Variants in CLOCK observed in about 807,000 individuals in gnomAD.
CLOCK encodes clock circadian regulator.
In CLOCK, 43 loss-of-function variants were observed where a neutral mutation model predicts 118.4. The observed-to-expected ratio is 0.36, with a 90% CI of 0.28 to 0.47. CLOCK has a LOEUF of 0.47. CLOCK is among the 20% of genes least tolerant of loss of function. CLOCK has a pLI of 1.00. For missense variants in CLOCK, 846 were observed against 999.9 expected, an observed-to-expected ratio of 0.85 and a Z score of 2.08; for synonymous variants, 326 against 339.2, an observed-to-expected ratio of 0.96 and a Z score of 0.43.
chr4:55,526,209 T>C (rs1179739748), intron 1 of CLOCK, among the ~76,000 whole-genome samples: 1 of 152,216 alleles, frequency 6.6e-6, no homozygotes, highest in African/African-American at 2.4e-5. Flanking sequence ...TCAAACTGTA[T>C]TTCAAGGTAG....
chr4:55,540,157 G>A (rs1209017322), intron 1 of CLOCK, among the ~76,000 whole-genome samples: 2 of 151,654 alleles, frequency 1.3e-5, no homozygotes, highest in Admixed American at 6.6e-5. Context: ...ACAGGCACCC[G>A]CCACCATGCC....
At chr4:55,441,785 G>A (rs1022590332) in intron 21 of CLOCK, among the ~76,000 whole-genome samples, 1 of 152,138 alleles carries the variant, frequency 6.6e-6, no homozygotes, top group African/African-American at 2.4e-5. Flanking sequence ...CTACTCAGGT[G>A]ATCAGTGCAC....
chr4:55,443,739 C>A lies in CLOCK; in HGVS notation c.1850G>T (p.Gly617Val). ...TTGTTGTATCATGTGCTGAGTTGTGCCAATGTGTCCAGTATTCATTCCACT... is the reference window on the plus strand; with the variant it reads ...TTGTTGTATCATGTGCTGAGTTGTGACAATGTGTCCAGTATTCATTCCACT... ...IQSGMNTGHI[G>V]TTQHMIQQQT... Residue 617 changes from glycine to valine, a missense_variant, in exon 20 of 23, where the codon GGC (glycine) becomes GTC (valine). Coordinates refer to ENST00000513440, the MANE Select transcript of CLOCK (RefSeq NM_004898.4). The A allele has an allele frequency of 6.2e-7, 1 of 1,614,062 alleles. No individual in the cohort carries two copies. Among genetic ancestry groups the A allele is most frequent in the South Asian group, 1.1e-5 (1 of 91,082 alleles).
chr4:55,447,376 A>ATT, intron 18 of CLOCK, among the ~76,000 whole-genome samples: 1 of 151,080 alleles, frequency 6.6e-6, no homozygotes, highest in African/African-American at 2.4e-5. Context: ...AAAAAAATTA[A>ATT]AAAGTTACAT....
intron 1 of CLOCK, among the ~76,000 whole-genome samples, chr4:55,538,702 AC>A (rs1221650520): frequency 3.9e-5 from 6 of 152,240 alleles, no homozygotes; most frequent in Admixed American, 2.6e-4. Context: ...ACATAAAGCA[AC>A]AAAGAAAACC....
chr4:55,440,973 A>C (rs1172533484), intron 21 of CLOCK, among the ~76,000 whole-genome samples: 1 of 151,408 alleles, frequency 6.6e-6, no homozygotes, highest in East Asian at 1.9e-4. Flanking sequence ...TACAAAAACA[A>C]AACAAAACAA....
chr4:55,501,397 A>C (rs946912052), intron 2 of CLOCK, among the ~76,000 whole-genome samples: 3 of 152,120 alleles, frequency 2.0e-5, no homozygotes, highest in African/African-American at 7.2e-5. Context: ...TACACTTTTT[A>C]GTATTTATTT....
At chr4:55,442,791 C>T (rs767771111) in intron 20 of CLOCK, among the ~76,000 whole-genome samples, 157 bp from the exon 21 acceptor site, 1 of 151,932 alleles carries the variant, frequency 6.6e-6, no homozygotes, top group Non-Finnish European at 1.5e-5. Context: ...AGGAATGACT[C>T]GTGGTAACTG....
rs192832624 is a variant in CLOCK at position 55,458,938 on chromosome 4, A to G, written c.746T>C (p.Val249Ala). The G allele has an allele frequency of 1.4e-5, 23 of 1,613,858 alleles. No individual in the cohort carries two copies. The Admixed American group carries it at 2.2e-4, about 15-fold the overall frequency. The change falls in exon 11 of 23, where the codon GTT becomes GCT. Residue 249 changes from valine to alanine, a missense_variant. Val to Ala is a moderately conservative substitution (Grantham distance 64). This residue lies in a region of CLOCK where 246 missense variants were observed against 300.2 expected (regional missense o/e 0.82). Coordinates refer to ENST00000513440, the MANE Select transcript of CLOCK (RefSeq NM_004898.4). The part of the protein sequence containing the change: ...RTHRPSYEDR[V>A]CFVATVRLAT... ...TAACCTGACAGTAGCTACAAAACAA[A>G]CTCTATCTTCATAAGATGGCCTATG...
intron 4 of CLOCK, among the ~76,000 whole-genome samples, chr4:55,480,565 C>T (rs1400456663): frequency 6.6e-6 from 1 of 152,140 alleles, no homozygotes; most frequent in African/African-American, 2.4e-5. Flanking sequence ...CGTACCCAGC[C>T]TCATTTTCTA....
chr4:55,521,073 T>A (rs1317331355), intron 1 of CLOCK, among the ~76,000 whole-genome samples: 2 of 152,242 alleles, frequency 1.3e-5, no homozygotes, highest in Non-Finnish European at 2.9e-5. Context: ...GTCTACAATA[T>A]TTTTACAGAT....
chr4:55,520,797 C>T (rs919348183), intron 1 of CLOCK, among the ~76,000 whole-genome samples: 4 of 152,192 alleles, frequency 2.6e-5, no homozygotes, highest in Non-Finnish European at 2.9e-5. Flanking sequence ...CCTCCCATCC[C>T]CTGCCTCCAG....
At position 55,470,731 on chromosome 4, in the gene CLOCK, G is replaced by C; in HGVS notation, c.424C>G (p.Leu142Val). The change falls in exon 8 of 23, where the codon CTT (leucine) becomes GTT (valine). Residue 142 changes from leucine (L) to valine (V), a missense_variant. This residue lies in a region of CLOCK where 246 missense variants were observed against 300.2 expected (regional missense o/e 0.82). Coordinates refer to ENST00000513440, the MANE Select transcript of CLOCK (RefSeq NM_004898.4). ...TTTATACTTACTGGTAAATGTTCAA[G>C]TAATGAAGTTACACTCTCAGACACA... ...IYVSESVTSL[L>V]EHLPSDLVDQ... is the part of the protein sequence containing the mutation. 1 of 1,602,188 alleles carries C rather than the reference G, an allele frequency of 6.2e-7. No individual in the cohort carries two copies. The highest frequency in any genetic ancestry group is 8.5e-7 in the Non-Finnish European group (1 of 1,170,030).
At chr4:55,529,776 G>A (rs1730419678) in intron 1 of CLOCK, among the ~76,000 whole-genome samples, 1 of 152,142 alleles carries the variant, frequency 6.6e-6, no homozygotes, top group Admixed American at 6.6e-5. Flanking sequence ...TTGTGGAGCT[G>A]TGATCTAAAC....
At chr4:55,456,920 C>T (rs1724960630) in intron 11 of CLOCK, among the ~76,000 whole-genome samples, 1 of 152,108 alleles carries the variant, frequency 6.6e-6, no homozygotes, top group South Asian at 2.1e-4. Flanking sequence ...GCTCAAGCAA[C>T]CTGCCCACCA....
At chr4:55,440,852 C>A (rs1268538032) in intron 21 of CLOCK, among the ~76,000 whole-genome samples, 1 of 152,180 alleles carries the variant, frequency 6.6e-6, no homozygotes, top group Non-Finnish European at 1.5e-5. Context: ...GCCACACCCA[C>A]ATCCAAAGCC....
chr4:55,497,589 C>A (rs185950912), intron 2 of CLOCK, among the ~76,000 whole-genome samples: 1 of 152,276 alleles, frequency 6.6e-6, no homozygotes, highest in African/African-American at 2.4e-5. Flanking sequence ...TAAAAGACTA[C>A]AGTACTATGC....
At chr4:55,542,364 ATAATAATAATAATAATATTAT>A (rs1156991813) in intron 1 of CLOCK, among the ~76,000 whole-genome samples, 6 of 63,740 alleles carry the variant, frequency 9.4e-5, no homozygotes, top group African/African-American at 2.7e-4. Flanking sequence ...AATAATAATA[ATAATAATAATAATAATATTAT>A]TATTATTATT....
chr4:55,443,926 G>A, intron 19 of CLOCK, 30 bp from the exon 20 acceptor site: 1 of 1,585,940 alleles, frequency 6.3e-7, no homozygotes, highest in Non-Finnish European at 8.6e-7. Context: ...GTTAAAATGA[G>A]CTTTGTAGAT....
Sources: gnomAD v4.1 joint callset for allele counts (sites outside exome capture counted in the v4.1 genomes callset) on GRCh38, gnomAD v4.1.1 for gene constraint, gnomAD v4.1.1 regional missense constraint, MANE v1.5 for transcripts, NCBI Gene and HGNC (gene_info 2026-07-23, HGNC 2026-07-21) for gene names.